Variants in WWOX observed in about 807,000 individuals in gnomAD.
WWOX encodes WW domain-containing oxidoreductase.
In WWOX, 69 loss-of-function variants were observed where a neutral mutation model predicts 46.2. The ratio of observed to expected loss-of-function variants is 1.49; its 90% confidence interval spans 1.23 to 1.82. The LOEUF (loss-of-function observed/expected upper bound fraction) is 1.82. Ranked by LOEUF, WWOX falls within the 40% of genes most tolerant of loss-of-function variation. The pLI, the probability that WWOX is intolerant of heterozygous loss-of-function variation, is 0.00. For missense variants in WWOX, 919 were observed against 542.6 expected, an observed-to-expected ratio of 1.69 and a Z score of -6.89; for synonymous variants, 359 against 202.6, an observed-to-expected ratio of 1.77 and a Z score of -6.56.
chr16:78,716,315 A>G (rs986283538), intron 8 of WWOX, among the ~76,000 whole-genome samples: 2 of 152,050 alleles, frequency 1.3e-5, no homozygotes, highest in Non-Finnish European at 2.9e-5. Flanking sequence ...CAGCCTTTGG[A>G]GGGAATGTGG....
intron 8 of WWOX, among the ~76,000 whole-genome samples, chr16:78,467,559 G>T (rs2084111153): frequency 6.6e-6 from 1 of 152,122 alleles, no homozygotes; most frequent in Admixed American, 6.5e-5. Context: ...TCTCTTGAAT[G>T]GTCTTTTGTA....
chr16:78,190,819 A>C (rs2035861527), intron 5 of WWOX, among the ~76,000 whole-genome samples: 1 of 152,200 alleles, frequency 6.6e-6, no homozygotes, highest in Non-Finnish European at 1.5e-5. Context: ...TGCTGTGATA[A>C]TGGAGAATGC....
intron 8 of WWOX, among the ~76,000 whole-genome samples, chr16:78,587,620 G>A (rs1180772904): frequency 6.6e-6 from 1 of 152,100 alleles, no homozygotes; most frequent in Non-Finnish European, 1.5e-5. Flanking sequence ...TTTCTTTGGT[G>A]TTGGATCCAT....
intron 8 of WWOX, among the ~76,000 whole-genome samples, chr16:78,684,145 A>G (rs1482679973): frequency 2.6e-5 from 4 of 152,154 alleles, no homozygotes; most frequent in Non-Finnish European, 5.9e-5. Flanking sequence ...CCCTGCTGCA[A>G]CAGGCTTAGA....
At chr16:78,229,186 T>C (rs1224454494) in intron 5 of WWOX, among the ~76,000 whole-genome samples, 1 of 151,912 alleles carries the variant, frequency 6.6e-6, no homozygotes, top group East Asian at 1.9e-4. Context: ...AAAGATGAGG[T>C]TACGAATCAT....
In WWOX at chr16:78,194,707, G is replaced by A. The variant is rs186896755; in HGVS notation, c.516+30418G>A. Among the ~76,000 whole-genome samples, 9 of 151,980 alleles carry A rather than the reference G, an allele frequency of 5.9e-5. No individual in the cohort carries two copies. In the East Asian group the frequency reaches 1.7e-3, roughly 29 times the overall value. ...ATAGCAGCTGCTTCTTTTTGGGACA[G>A]GTGATCACCCCCAACCCCAAACCCC... is the stretch of plus-strand genomic sequence containing the variant. On this transcript the variant is annotated intron_variant, in intron 5 of 8. Transcript: ENST00000566780.
chr16:78,545,912 A>G (rs548700113), intron 8 of WWOX, among the ~76,000 whole-genome samples: 71 of 152,212 alleles, frequency 4.7e-4, no homozygotes, highest in African/African-American at 1.5e-3. Flanking sequence ...GGATTAGGGC[A>G]CCACGCTTAT....
chr16:78,385,238 C>T (rs757081658), intron 5 of WWOX, among the ~76,000 whole-genome samples: 5 of 151,924 alleles, frequency 3.3e-5, no homozygotes, highest in Admixed American at 6.6e-5. Flanking sequence ...CTGATGTGGC[C>T]TTCAGGGAGG....
intron 8 of WWOX, among the ~76,000 whole-genome samples, chr16:79,078,996 G>T (rs1032206804): frequency 1.3e-5 from 2 of 152,178 alleles, no homozygotes; most frequent in African/African-American, 4.8e-5. Flanking sequence ...AATCAGTAGA[G>T]ATGCTAAAAT....
chr16:78,113,224 T>TG (rs1415399036), intron 3 of WWOX, among the ~76,000 whole-genome samples: 1 of 152,124 alleles, frequency 6.6e-6, no homozygotes, highest in Non-Finnish European at 1.5e-5. Context: ...GAATCAGCAC[T>TG]GGGGTGGGGC....
intron 8 of WWOX, among the ~76,000 whole-genome samples, chr16:79,036,812 A>G (rs1311954032): frequency 6.6e-6 from 1 of 152,190 alleles, no homozygotes; most frequent in Non-Finnish European, 1.5e-5. Flanking sequence ...AGAAGAGATG[A>G]ACTGTGCTGT....
chr16:78,168,099 A>C (rs1027295062), intron 5 of WWOX: 2 of 152,188 alleles, frequency 1.3e-5, no homozygotes, highest in Admixed American at 6.5e-5. Context: ...TTTTTGTTGC[A>C]GCAAAAGCTC....
At chr16:78,195,821 C>CAA (rs148609646) in intron 5 of WWOX, among the ~76,000 whole-genome samples, 12,585 of 75,700 alleles carry the variant, frequency 0.17, 1,271 homozygotes, top group Non-Finnish European at 0.22. Flanking sequence ...GACTCTGCCT[C>CAA]AAAAAAAAAA....
At chr16:78,502,457 G>A (rs1022177313) in intron 8 of WWOX, among the ~76,000 whole-genome samples, 1 of 152,128 alleles carries the variant, frequency 6.6e-6, no homozygotes, top group Non-Finnish European at 1.5e-5. Context: ...CTTGTGTCTG[G>A]TTTCTTCCTC....
At chr16:78,174,709 C>T (rs370941790) in intron 5 of WWOX, among the ~76,000 whole-genome samples, 9 of 152,222 alleles carry the variant, frequency 5.9e-5, no homozygotes, top group Middle Eastern at 3.4e-3. Context: ...CTAAGGTGGC[C>T]GGGTGTGGTG....
intron 5 of WWOX, among the ~76,000 whole-genome samples, chr16:78,178,738 GC>G (rs1374284008): frequency 6.6e-6 from 1 of 151,894 alleles, no homozygotes; most frequent in East Asian, 1.9e-4. Flanking sequence ...TTGGCGCATG[GC>G]TATAATCCCA....
intron 8 of WWOX, among the ~76,000 whole-genome samples, chr16:79,108,119 TG>T (rs1177490723): frequency 6.6e-6 from 1 of 152,190 alleles, no homozygotes; most frequent in African/African-American, 2.4e-5. Flanking sequence ...GGTTTATAAT[TG>T]GGGGGAAACC....
At chr16:78,434,445 G>A (rs79569431) in intron 8 of WWOX, among the ~76,000 whole-genome samples, 1,564 of 152,272 alleles carry the variant, frequency 0.01, 55 homozygotes, top group East Asian at 0.091. Context: ...GTGTCCTTCA[G>A]TTTACATGAA....
chr16:78,149,716 G>A (rs17650116), intron 4 of WWOX, among the ~76,000 whole-genome samples: 12,128 of 152,152 alleles, frequency 0.08, 541 homozygotes, highest in Non-Finnish European at 0.11. Flanking sequence ...CCTATATCTC[G>A]TAATATCCAC....
Sources: allele counts gnomAD v4.1 joint callset (sites outside exome capture counted in the v4.1 genomes callset), GRCh38; gene constraint gnomAD v4.1.1; transcripts MANE v1.5; gene names NCBI Gene and HGNC (gene_info 2026-07-23, HGNC 2026-07-21).